Variants in AGBL4 observed in about 807,000 individuals in gnomAD.
The protein encoded by AGBL4 is AGBL carboxypeptidase 4, also known as cytosolic carboxypeptidase 6.
AGBL4 carries 58 observed loss-of-function variants against 66.4 expected under a neutral mutation model. That is an observed-to-expected ratio of 0.87 (90% CI 0.71 to 1.09). The LOEUF (loss-of-function observed/expected upper bound fraction) is 1.09, where lower values mean the gene tolerates loss of function less well. Ranked by LOEUF, AGBL4 falls within the 50% of genes least tolerant of loss-of-function variation. AGBL4 has a pLI of 0.00. For synonymous variants in AGBL4, 234 were observed against 222.9 expected (o/e 1.05, Z -0.44); for missense variants, 579 against 631.0 (o/e 0.92, Z 0.88).
intron 3 of AGBL4, among the ~76,000 whole-genome samples, chr1:49,457,434 G>C (rs1297855936): frequency 1.3e-5 from 2 of 151,610 alleles, no homozygotes; most frequent in African/African-American, 4.8e-5. Context: ...TGATTTGTTT[G>C]AATTCTATGT....
At chr1:48,556,645 G>A (rs1397855239) in intron 11 of AGBL4, among the ~76,000 whole-genome samples, 2 of 152,208 alleles carry the variant, frequency 1.3e-5, no homozygotes, top group African/African-American at 4.8e-5. Flanking sequence ...ACTTTGGCAA[G>A]ACAGCCATCC....
chr1:49,379,785 AT>A (rs1469839673), intron 3 of AGBL4, among the ~76,000 whole-genome samples: 1 of 151,972 alleles, frequency 6.6e-6, no homozygotes, highest in Non-Finnish European at 1.5e-5. Context: ...GTTTGCCAGT[AT>A]TTTATTGAGG....
intron 4 of AGBL4, among the ~76,000 whole-genome samples, chr1:49,093,441 A>C (rs1042699531): frequency 6.6e-6 from 1 of 152,214 alleles, no homozygotes; most frequent in Non-Finnish European, 1.5e-5. Flanking sequence ...TTGGCTAAGC[A>C]CTGAAAATAT....
rs564872984 is a variant in AGBL4 at position 49,560,554 on chromosome 1, T to C, written c.282+136759A>G. On this transcript the variant is annotated intron_variant, in intron 3 of 13. Transcript: ENST00000371839. Reference sequence around the variant, plus strand: ...GAAAGAGATATGGGTAGAAAGTTTATTCAAAGAGATAATAAGAACTTCCCA... The same window carrying C: ...GAAAGAGATATGGGTAGAAAGTTTACTCAAAGAGATAATAAGAACTTCCCA... Among the ~76,000 whole-genome samples, 51 of 152,218 alleles carry C rather than the reference T, an allele frequency of 3.4e-4. 2 individuals carry two copies. In the South Asian group the frequency reaches 9.8e-3, roughly 29 times the overall value.
intron 3 of AGBL4, among the ~76,000 whole-genome samples, chr1:49,407,328 C>T (rs1265532744): frequency 6.6e-6 from 1 of 152,010 alleles, no homozygotes; most frequent in Non-Finnish European, 1.5e-5. Flanking sequence ...TAGCAGACTG[C>T]CTGTGGCTTT....
At chr1:49,622,084 G>A (rs1036921168) in intron 3 of AGBL4, among the ~76,000 whole-genome samples, 1 of 152,086 alleles carries the variant, frequency 6.6e-6, no homozygotes, top group African/African-American at 2.4e-5. Context: ...CTTACTATGT[G>A]GCTTGCTGAA....
chr1:49,371,260 C>G (rs533614573), intron 3 of AGBL4, among the ~76,000 whole-genome samples: 3,017 of 149,462 alleles, frequency 0.02, 77 homozygotes, highest in African/African-American at 0.063. Context: ...TACATACATA[C>G]ATACATACAT....
chr1:49,705,465 A>G (rs1159521905), intron 2 of AGBL4, among the ~76,000 whole-genome samples: 1 of 152,086 alleles, frequency 6.6e-6, no homozygotes, highest in Admixed American at 6.6e-5. Flanking sequence ...TTCTAAATAT[A>G]CAGCCATGTC....
intron 8 of AGBL4, among the ~76,000 whole-genome samples, chr1:48,648,126 C>T (rs1645868293): frequency 6.6e-6 from 1 of 152,112 alleles, no homozygotes; most frequent in African/African-American, 2.4e-5. Flanking sequence ...TAAACACATT[C>T]ATAATGTGCT....
chr1:49,269,059 C>T (rs1037549136), intron 3 of AGBL4: 3 of 152,104 alleles, frequency 2.0e-5, no homozygotes, highest in African/African-American at 7.2e-5. Context: ...CTTTGAAATC[C>T]TACTATCAGC....
At chr1:49,783,838 A>G (rs1644391515) in intron 2 of AGBL4, among the ~76,000 whole-genome samples, 1 of 152,176 alleles carries the variant, frequency 6.6e-6, no homozygotes, top group Admixed American at 6.5e-5. Flanking sequence ...AAAAAAATTT[A>G]TTGTATTTCT....
At chr1:49,860,699 A>G (rs1209317947) in intron 1 of AGBL4, among the ~76,000 whole-genome samples, 1 of 152,166 alleles carries the variant, frequency 6.6e-6, no homozygotes, top group Non-Finnish European at 1.5e-5. Context: ...GCTGTCTCAA[A>G]AAAATAGTAA....
At chr1:49,627,374 A>G (rs901463933) in intron 3 of AGBL4, among the ~76,000 whole-genome samples, 1 of 152,128 alleles carries the variant, frequency 6.6e-6, no homozygotes, top group Admixed American at 6.5e-5. Context: ...GGCAAAAATG[A>G]CAAGATGAGA....
At chr1:48,578,003 C>T (rs964683740) in intron 11 of AGBL4, among the ~76,000 whole-genome samples, 5 of 152,210 alleles carry the variant, frequency 3.3e-5, no homozygotes, top group African/African-American at 1.2e-4. Flanking sequence ...CCACTACTAG[C>T]TGTGCAGCCT....
At chr1:49,372,305 T>C (rs1343748504) in intron 3 of AGBL4, among the ~76,000 whole-genome samples, 1 of 152,204 alleles carries the variant, frequency 6.6e-6, no homozygotes, top group Non-Finnish European at 1.5e-5. Context: ...GTGAAGTCCT[T>C]GCTCGAATCC....
chr1:49,808,780 A>G (rs2147964843), intron 2 of AGBL4, among the ~76,000 whole-genome samples: 1 of 152,290 alleles, frequency 6.6e-6, no homozygotes, highest in African/African-American at 2.4e-5. Flanking sequence ...TAGTATATAG[A>G]TAATTTGCAC....
chr1:48,931,017 T>C (rs906597694), intron 5 of AGBL4, among the ~76,000 whole-genome samples: 3 of 152,208 alleles, frequency 2.0e-5, no homozygotes, highest in Non-Finnish European at 2.9e-5. Context: ...TATAGTCTAA[T>C]TTAATTCTCA....
At chr1:49,499,762 A>AT (rs1647962330) in intron 3 of AGBL4, among the ~76,000 whole-genome samples, 1 of 151,144 alleles carries the variant, frequency 6.6e-6, no homozygotes, top group South Asian at 2.1e-4. Context: ...CACATATCAC[A>AT]TTTTTTTATC....
At chr1:48,580,288 C>T (rs1420189374) in intron 11 of AGBL4, among the ~76,000 whole-genome samples, 2 of 152,188 alleles carry the variant, frequency 1.3e-5, no homozygotes, top group East Asian at 3.9e-4. Context: ...TGAGGGACTG[C>T]CCATGCTGTC....
Sources: gnomAD v4.1 joint callset for allele counts (sites outside exome capture counted in the v4.1 genomes callset) on GRCh38, gnomAD v4.1.1 for gene constraint, MANE v1.5 for transcripts, NCBI Gene and HGNC (gene_info 2026-07-23, HGNC 2026-07-21) for gene names.